The following DPYSL5 variants were observed in gnomAD, a reference collection of about 807,000 sequenced individuals.
The protein encoded by DPYSL5 is dihydropyrimidinase like 5.
A neutral mutation model predicts 58.4 loss-of-function variants in DPYSL5; 9 were observed. The ratio of observed to expected loss-of-function variants is 0.15; its 90% confidence interval spans 0.09 to 0.27. The LOEUF (loss-of-function observed/expected upper bound fraction) is 0.27. Among genes scored for constraint, DPYSL5 ranks in the 10% least tolerant of loss-of-function variants. The pLI, the probability that DPYSL5 is intolerant of heterozygous loss-of-function variation, is 1.00. For synonymous variants in DPYSL5, 293 were observed against 301.9 expected (o/e 0.97, Z 0.31); for missense variants, 499 against 770.6 (o/e 0.65, Z 4.17).
chr2:26,880,826 C>T (rs1260907598), intron 1 of DPYSL5, among the ~76,000 whole-genome samples: 1 of 152,204 alleles, frequency 6.6e-6, no homozygotes, highest in African/African-American at 2.4e-5. Flanking sequence ...TTACAACTTC[C>T]CCAACCCAAG....
In DPYSL5 at chr2:26,877,092, G is replaced by A. The variant is rs915980356; in HGVS notation, c.-4-21404G>A. On this transcript the variant is annotated intron_variant, in intron 1 of 12. Coordinates refer to ENST00000288699, the MANE Select transcript of DPYSL5 (RefSeq NM_020134.4). The surrounding 1 kb of genome is among the most constrained non-coding windows in gnomAD (Gnocchi z 4.1). ...AGCGATTCTCTTGCCTCAGCCTCCC[G>A]AGTAGCTGGGATTATAGGCGCCTGC... Among the ~76,000 whole-genome samples, 9 of 149,766 alleles carry A rather than the reference G, an allele frequency of 6.0e-5. No homozygotes were observed. The East Asian group carries it at 8.0e-4, about 13-fold the overall frequency.
chr2:26,883,825 C>T (rs186674791), intron 1 of DPYSL5, among the ~76,000 whole-genome samples: 5 of 152,304 alleles, frequency 3.3e-5, no homozygotes, highest in Admixed American at 2.6e-4. Context: ...TATTCTCATT[C>T]AATTTCTACC....
chr2:26,930,219 G>T (rs1196459214), intron 5 of DPYSL5, among the ~76,000 whole-genome samples: 1 of 128,160 alleles, frequency 7.8e-6, no homozygotes. Flanking sequence ...ATGCCTGTGA[G>T]AACAGGAGAG....
Position 26,849,492 on chromosome 2 carries a change from G to C in DPYSL5, c.-5+1238G>C, listed in dbSNP as rs1311400665. Among the ~76,000 whole-genome samples, 1 of 152,162 alleles carries C rather than the reference G, an allele frequency of 6.6e-6. No homozygotes were observed. Among genetic ancestry groups the C allele is most frequent in the Non-Finnish European group, 1.5e-5 (1 of 68,012 alleles). On this transcript the variant is annotated intron_variant, in intron 1 of 12. Transcript: ENST00000288699. The surrounding 1 kb of genome is among the most constrained non-coding windows in gnomAD (Gnocchi z 6.2). Reference sequence around the variant, plus strand: ...GATGGCAGATCCGGGACCGGGCTGGGCTGGCTTGGTGAGGAGCTTTGTCTC... The same window carrying C: ...GATGGCAGATCCGGGACCGGGCTGGCCTGGCTTGGTGAGGAGCTTTGTCTC...
intron 1 of DPYSL5, among the ~76,000 whole-genome samples, chr2:26,857,552 G>A (rs1378340269): frequency 2.0e-5 from 3 of 150,250 alleles, no homozygotes; most frequent in East Asian, 3.9e-4. Context: ...AAAAAAAAAA[G>A]AAAAAAAATC....
At chr2:26,917,854 GGCCAGGCTCAGTGACTCAC>G (rs1429377972) in intron 2 of DPYSL5, among the ~76,000 whole-genome samples, 3 of 152,072 alleles carry the variant, frequency 2.0e-5, no homozygotes, top group African/African-American at 7.2e-5. Flanking sequence ...AGCACGGAAT[GGCCAGGCTCAGTGACTCAC>G]GCCTGTAATC....
At chr2:26,910,133 G>A (rs935393577) in intron 2 of DPYSL5, among the ~76,000 whole-genome samples, 28 of 152,040 alleles carry the variant, frequency 1.8e-4, no homozygotes, top group African/African-American at 6.8e-4. Context: ...TTTTTTGTCT[G>A]GTTTCTTTCG....
At chr2:26,912,726 C>A (rs1242126319) in intron 2 of DPYSL5, among the ~76,000 whole-genome samples, 1 of 152,306 alleles carries the variant, frequency 6.6e-6, no homozygotes, top group Non-Finnish European at 1.5e-5. Context: ...ATTGGATGCT[C>A]GGCAGTGAAG....
In DPYSL5 at chr2:26,927,566, AC is replaced by A; in HGVS notation, c.600+138del. 9.1e-7 allele frequency: 1 copy of A among 1,094,848 alleles called. No individual in the cohort carries two copies. The highest frequency in any genetic ancestry group is 1.3e-6 in the Non-Finnish European group (1 of 793,034). The allele number at this position is 1,094,848 out of a possible 1,614,324, so 67.8% of individuals were successfully genotyped here. On this transcript the variant is annotated intron_variant, in intron 4 of 12. Transcript: ENST00000288699. The surrounding 1 kb of genome is among the most constrained non-coding windows in gnomAD (Gnocchi z 4.3). Reference sequence around the variant, plus strand: ...AGTTGTTAAAGTGTGAGGTGTGGACACCCCAGCTGTCAGATCTTGGTCAGAA... The same window carrying A: ...AGTTGTTAAAGTGTGAGGTGTGGACACCCAGCTGTCAGATCTTGGTCAGAA...
chr2:26,922,695 G>A (rs1054578348), intron 2 of DPYSL5, among the ~76,000 whole-genome samples: 8 of 152,152 alleles, frequency 5.3e-5, no homozygotes, highest in African/African-American at 7.2e-5. Flanking sequence ...ACACCCCCAC[G>A]TGCACATGTA....
chr2:26,914,754 A>G (rs764546340), intron 2 of DPYSL5, among the ~76,000 whole-genome samples: 28 of 152,004 alleles, frequency 1.8e-4, no homozygotes, highest in Non-Finnish European at 3.5e-4. Context: ...TCCTGAACAG[A>G]TGTGTTCTTT....
chr2:26,924,928 C>A lies in DPYSL5; in HGVS notation c.303C>A (p.Val101=). 6.2e-7 allele frequency: 1 copy of A among 1,614,168 alleles called. No individual in the cohort carries two copies. The highest frequency in any genetic ancestry group is 8.5e-7 in the Non-Finnish European group (1 of 1,180,020). Residue 101 remains valine (V), a synonymous_variant, in exon 3 of 13, where the codon GTC becomes GTA. Transcript: ENST00000288699. This position sits in a 1 kb window ranked among gnomAD's most constrained non-coding sequence, Gnocchi z 4.7. ...GCACCACCATGATCATCGGCCACGT[C>A]CTGCCCGACAAGGAGACCTCCCTTG... The part of the protein sequence containing the change: ...VGGTTMIIGH[V]LPDKETSLVD...
chr2:26,937,957 C>T (rs889598381), intron 8 of DPYSL5, among the ~76,000 whole-genome samples: 1 of 152,126 alleles, frequency 6.6e-6, no homozygotes, highest in Non-Finnish European at 1.5e-5. Flanking sequence ...CCACCCGCCT[C>T]GGCCTCCCAA....
At chr2:26,912,273 C>T (rs1664458744) in intron 2 of DPYSL5, among the ~76,000 whole-genome samples, 1 of 152,234 alleles carries the variant, frequency 6.6e-6, no homozygotes, top group African/African-American at 2.4e-5. Flanking sequence ...CTGTCTGCCG[C>T]CCATTGACTC....
At chr2:26,886,556 T>C (rs1290355298) in intron 1 of DPYSL5, among the ~76,000 whole-genome samples, 1 of 152,258 alleles carries the variant, frequency 6.6e-6, no homozygotes, top group Non-Finnish European at 1.5e-5. Flanking sequence ...TACTCAATAG[T>C]TGATAAATCA....
chr2:26,865,874 G>A (rs1218920245), intron 1 of DPYSL5, among the ~76,000 whole-genome samples: 2 of 152,114 alleles, frequency 1.3e-5, no homozygotes, highest in African/African-American at 4.8e-5. Context: ...CACAGCCCTT[G>A]CCCCCCACCA....
At chr2:26,892,107 C>T (rs1037241084) in intron 1 of DPYSL5, among the ~76,000 whole-genome samples, 5 of 152,206 alleles carry the variant, frequency 3.3e-5, no homozygotes, top group Non-Finnish European at 7.3e-5. Context: ...AGTTAATTCC[C>T]TTAAGTCAGA....
Position 26,877,178 on chromosome 2 carries a change from G to C in DPYSL5, c.-4-21318G>C, listed in dbSNP as rs1379324126. On this transcript the variant is annotated intron_variant, in intron 1 of 12. Transcript: ENST00000288699. The surrounding 1 kb of genome is among the most constrained non-coding windows in gnomAD (Gnocchi z 4.1). The stretch of plus-strand genomic sequence containing the variant: ...AACGGGGTTTCACCATGTTGGCCAG[G>C]CTGGCTGGAACTCCTGACCTCAGGT... Among the ~76,000 whole-genome samples the C allele has an allele frequency of 1.3e-5, 2 of 151,062 alleles. No individual in the cohort carries two copies. Among genetic ancestry groups the C allele is most frequent in the Non-Finnish European group, 3.0e-5 (2 of 67,734 alleles).
At chr2:26,868,016 A>T (rs1229258740) in intron 1 of DPYSL5, among the ~76,000 whole-genome samples, 1 of 152,166 alleles carries the variant, frequency 6.6e-6, no homozygotes, top group East Asian at 1.9e-4. Flanking sequence ...TGCCAATGAC[A>T]AGGTATCACG....
Sources: allele counts gnomAD v4.1 joint callset (sites outside exome capture counted in the v4.1 genomes callset), GRCh38; gene constraint gnomAD v4.1.1; non-coding constraint Gnocchi (gnomAD v3.1); transcripts MANE v1.5; gene names NCBI Gene and HGNC (gene_info 2026-07-23, HGNC 2026-07-21).